Variants in UNC5D observed in about 807,000 individuals in gnomAD.
UNC5D encodes the protein netrin receptor UNC5D.
In UNC5D, 39 loss-of-function variants were observed where a neutral mutation model predicts 105.4. The observed-to-expected ratio is 0.37, with a 90% confidence interval of 0.29 to 0.48. The LOEUF is 0.48. UNC5D is among the 20% of genes least tolerant of loss of function. UNC5D has a pLI of 0.98. For synonymous variants in UNC5D, 452 were observed against 450.4 expected, an observed-to-expected ratio of 1.00 and a Z score of -0.04; for missense variants, 991 against 1,202.4, an observed-to-expected ratio of 0.82 and a Z score of 2.60.
At chr8:35,582,128 A>C (rs1818498935) in intron 3 of UNC5D, among the ~76,000 whole-genome samples, 1 of 152,054 alleles carries the variant, frequency 6.6e-6, no homozygotes, top group South Asian at 2.1e-4. Flanking sequence ...GACTTCCCAA[A>C]CTTTGAACTT....
chr8:35,262,697 C>T (rs1804573991), intron 1 of UNC5D, among the ~76,000 whole-genome samples: 1 of 152,086 alleles, frequency 6.6e-6, no homozygotes, highest in Non-Finnish European at 1.5e-5. Flanking sequence ...GTCCTGTTTC[C>T]AGGGAGGTTT....
chr8:35,519,097 T>A (rs1397518680), intron 1 of UNC5D, among the ~76,000 whole-genome samples: 1 of 152,132 alleles, frequency 6.6e-6, no homozygotes, highest in Non-Finnish European at 1.5e-5. Context: ...TTAAAGTACT[T>A]TTTTTTCCTT....
rs1430063314 is a variant in UNC5D at position 35,792,501 on chromosome 8, TG to T, written c.*1939del. The T allele has an allele frequency of 6.5e-6, 1 of 153,654 alleles. No individual in the cohort carries two copies. Among genetic ancestry groups the T allele is most frequent in the Non-Finnish European group, 1.4e-5 (1 of 69,216 alleles). 9.5% of individuals were successfully genotyped at this position (153,654 alleles called of 1,614,324 possible). A position where few individuals can be genotyped will look rare whatever the true frequency, so the allele number is the denominator to read the frequency against. On this transcript the variant is annotated 3_prime_UTR_variant, in exon 17 of 17. Coordinates refer to ENST00000404895, the MANE Select transcript of UNC5D (RefSeq NM_080872.4). ...TGTCAAGATCAGGAAAACACCCTTTTGCTAGTGTGCTTAACTTATTTATTTC... is the reference window on the plus strand; with the variant it reads ...TGTCAAGATCAGGAAAACACCCTTTTCTAGTGTGCTTAACTTATTTATTTC...
At chr8:35,390,694 A>C (rs576241261) in intron 1 of UNC5D, among the ~76,000 whole-genome samples, 1 of 152,210 alleles carries the variant, frequency 6.6e-6, no homozygotes, top group Non-Finnish European at 1.5e-5. Context: ...CTCTAAATTT[A>C]CCAATGCATA....
chr8:35,316,974 C>G (rs1046825992), intron 1 of UNC5D, among the ~76,000 whole-genome samples: 1 of 152,058 alleles, frequency 6.6e-6, no homozygotes, highest in African/African-American at 2.4e-5. Flanking sequence ...AATGTTCTGA[C>G]TTTTAGAAGA....
In UNC5D at chr8:35,557,095, G is replaced by A. The variant is rs532042892; in HGVS notation, c.322+7585G>A. 1.7e-4 allele frequency among the ~76,000 whole-genome samples: 26 copies of A among 152,300 alleles called. No homozygotes were observed. In the South Asian group the frequency reaches 5.2e-3, roughly 30 times the overall value. On this transcript the variant is annotated intron_variant, in intron 2 of 16. Coordinates refer to ENST00000404895, the MANE Select transcript of UNC5D (RefSeq NM_080872.4). ...GCCCACCATGTTGTGAGTGTGATAC[G>A]GGAGTAAGTCATTCATGGGATGCGT...
chr8:35,319,827 A>C (rs1014256211), intron 1 of UNC5D, among the ~76,000 whole-genome samples: 5 of 151,760 alleles, frequency 3.3e-5, no homozygotes, highest in African/African-American at 7.3e-5. Context: ...GCAAGCTTTT[A>C]TTTGAGAATG....
intron 8 of UNC5D, among the ~76,000 whole-genome samples, chr8:35,708,376 T>G (rs1480418991): frequency 6.6e-6 from 1 of 152,252 alleles, no homozygotes; most frequent in East Asian, 1.9e-4. Context: ...CGTTTCCTAA[T>G]GTACTAAACC....
intron 1 of UNC5D, among the ~76,000 whole-genome samples, chr8:35,306,527 A>G (rs758593449): frequency 1.3e-5 from 2 of 152,124 alleles, no homozygotes; most frequent in East Asian, 1.9e-4. Flanking sequence ...AGAGCAGTCT[A>G]TACTGCCTAA....
chr8:35,505,416 A>G (rs2130288719), intron 1 of UNC5D, among the ~76,000 whole-genome samples: 1 of 152,374 alleles, frequency 6.6e-6, no homozygotes. Context: ...TTCTTGAAAA[A>G]ATAGCTTGAG....
At chr8:35,243,207 G>C (rs944566964) in intron 1 of UNC5D, among the ~76,000 whole-genome samples, 5 of 152,120 alleles carry the variant, frequency 3.3e-5, no homozygotes, top group African/African-American at 1.2e-4. Context: ...TTGCAAGCCA[G>C]TATGAAGTGG....
intron 3 of UNC5D, among the ~76,000 whole-genome samples, chr8:35,583,551 C>T (rs1246530777): frequency 5.3e-5 from 8 of 151,970 alleles, no homozygotes; most frequent in South Asian, 4.2e-4. Context: ...ACCTAGGACT[C>T]GATTTTCTCA....
chr8:35,262,523 A>G (rs1053289446), intron 1 of UNC5D, among the ~76,000 whole-genome samples: 3 of 152,218 alleles, frequency 2.0e-5, no homozygotes, highest in African/African-American at 7.2e-5. Context: ...GCACAGTTCA[A>G]TGTAAGGCAT....
intron 1 of UNC5D, among the ~76,000 whole-genome samples, chr8:35,534,507 C>A (rs2130579268): frequency 6.6e-6 from 1 of 151,644 alleles, no homozygotes; most frequent in East Asian, 2.0e-4. Context: ...ACTTAAAGAT[C>A]AATTCAAAAT....
intron 3 of UNC5D, among the ~76,000 whole-genome samples, chr8:35,590,024 T>C (rs1819061225): frequency 6.6e-6 from 1 of 152,084 alleles, no homozygotes; most frequent in East Asian, 1.9e-4. Flanking sequence ...AGGAAGGACA[T>C]ATATTGATGG....
chr8:35,676,734 G>T (rs1434091973), intron 4 of UNC5D, among the ~76,000 whole-genome samples: 2 of 152,132 alleles, frequency 1.3e-5, no homozygotes, highest in Non-Finnish European at 2.9e-5. Context: ...TAGCACATAT[G>T]CACCATAACA....
intron 1 of UNC5D, among the ~76,000 whole-genome samples, chr8:35,316,920 CA>C (rs1475072219): frequency 2.0e-5 from 3 of 152,054 alleles, no homozygotes; most frequent in Admixed American, 6.6e-5. Flanking sequence ...ATGACAGTAG[CA>C]AGCCAATATA....
At chr8:35,400,338 G>A (rs1346222429) in intron 1 of UNC5D, among the ~76,000 whole-genome samples, 2 of 152,000 alleles carry the variant, frequency 1.3e-5, no homozygotes, top group Non-Finnish European at 2.9e-5. Context: ...GTGTAGTTGT[G>A]TGCATATTCT....
intron 16 of UNC5D, among the ~76,000 whole-genome samples, chr8:35,784,403 G>A (rs1261256702): frequency 5.9e-5 from 9 of 152,152 alleles, no homozygotes; most frequent in African/African-American, 1.2e-4. Flanking sequence ...TAGGGCTGGG[G>A]AAATGAATTG....
Sources: allele counts gnomAD v4.1 joint callset (sites outside exome capture counted in the v4.1 genomes callset), GRCh38; gene constraint gnomAD v4.1.1; transcripts MANE v1.5; gene names NCBI Gene and HGNC (gene_info 2026-07-23, HGNC 2026-07-21).